The following C1orf53 variants were observed in gnomAD, a reference collection of about 807,000 sequenced individuals.
C1orf53 encodes chromosome 1 open reading frame 53, also known as uncharacterized protein C1orf53.
A neutral mutation model predicts 17.5 loss-of-function variants in C1orf53; 23 were observed. That is an observed-to-expected ratio of 1.31 (90% CI 0.94 to 1.86). C1orf53 has a LOEUF of 1.86. C1orf53 is among the 40% of genes most tolerant of loss of function. C1orf53 has a pLI of 0.00. For synonymous variants in C1orf53, 108 were observed against 81.9 expected, an observed-to-expected ratio of 1.32 and a Z score of -1.72; for missense variants, 255 against 193.2, an observed-to-expected ratio of 1.32 and a Z score of -1.89.
intron 1 of C1orf53, among the ~76,000 whole-genome samples, chr1:197,903,837 T>C (rs750000073): frequency 6.6e-6 from 1 of 152,210 alleles, no homozygotes; most frequent in Non-Finnish European, 1.5e-5. Context: ...GAATAAAGAC[T>C]CATTAGGAAG....
intron 1 of C1orf53, 48 bp downstream of exon 1, chr1:197,902,961 T>G: frequency 1.5e-6 from 2 of 1,329,932 alleles, no homozygotes; most frequent in Non-Finnish European, 1.9e-6. Context: ...CGCCCCGGGC[T>G]CGGCGCGCCT....
At chr1:197,904,176 C>T (rs1659484720) in intron 1 of C1orf53, among the ~76,000 whole-genome samples, 1 of 151,546 alleles carries the variant, frequency 6.6e-6, no homozygotes, top group African/African-American at 2.4e-5. Flanking sequence ...TATGGTCCTT[C>T]TTCCAGCCTC....
chr1:197,904,364 C>G (rs1659487892), intron 1 of C1orf53, among the ~76,000 whole-genome samples: 1 of 152,156 alleles, frequency 6.6e-6, no homozygotes, highest in South Asian at 2.1e-4. Flanking sequence ...CAGAGGTGCT[C>G]AATCAACATG....
Position 197,902,745 on chromosome 1 carries a change from G to A in C1orf53, c.96G>A (p.Gly32=). Residue 32 remains glycine, a synonymous_variant, in exon 1 of 3, where the codon GGG becomes GGA. Transcript: ENST00000367393. ...PPPAPLWVRA[G]FRQQLSLTLC... is the part of the protein sequence containing the mutation. ...CAGCACCTCTCTGGGTAAGAGCTGG[G>A]TTCCGACAGCAGCTCAGCTTAACCC... is the stretch of plus-strand genomic sequence containing the variant. The A allele has an allele frequency of 6.4e-7, 1 of 1,569,066 alleles. No individual in the cohort carries two copies. Among genetic ancestry groups the A allele is most frequent in the Non-Finnish European group, 8.6e-7 (1 of 1,165,764 alleles).
At chr1:197,904,065 G>A (rs1659483096) in intron 1 of C1orf53, among the ~76,000 whole-genome samples, 2 of 152,234 alleles carry the variant, frequency 1.3e-5, no homozygotes. Context: ...TTTCATCAGT[G>A]TCAGTATCAC....
Position 197,902,684 on chromosome 1 carries a change from C to A in C1orf53, c.35C>A (p.Ala12Asp). 5 of 1,502,970 alleles carry A rather than the reference C, an allele frequency of 3.3e-6. No individual in the cohort carries two copies. The highest frequency in any genetic ancestry group is 3.5e-6 in the Non-Finnish European group (4 of 1,133,344). The allele number at this position is 1,502,970 out of a possible 1,614,324, so 93.1% of individuals were successfully genotyped here. The change falls in exon 1 of 3, where the codon GCC (alanine) becomes GAC (aspartate). Residue 12 changes from alanine (A) to aspartate (D), a missense_variant. Transcript: ENST00000367393. Reference protein sequence around the residue: ...AARQIWARTGAALCRQPSAAP... With the variant: ...AARQIWARTGDALCRQPSAAP... ...AGGCAGATCTGGGCACGGACGGGTGCCGCGCTCTGCAGGCAACCTTCCGCC... is the reference window on the plus strand; with the variant it reads ...AGGCAGATCTGGGCACGGACGGGTGACGCGCTCTGCAGGCAACCTTCCGCC...
At chr1:197,905,977 G>C (rs545490771) in intron 2 of C1orf53, 80 bp downstream of exon 2, 5 of 1,111,780 alleles carry the variant, frequency 4.5e-6, no homozygotes, top group African/African-American at 1.5e-5. Flanking sequence ...TGAACAACAA[G>C]TCAAATAAAA....
At chr1:197,906,155 A>G (rs1659521034) in intron 2 of C1orf53, among the ~76,000 whole-genome samples, 1 of 152,216 alleles carries the variant, frequency 6.6e-6, no homozygotes. Flanking sequence ...GCTCTTTATT[A>G]CAAGGAAACT....
chr1:197,902,983 G>A, intron 1 of C1orf53, 70 bp downstream of exon 1: 1 of 1,300,468 alleles, frequency 7.7e-7, no homozygotes, highest in Non-Finnish European at 9.8e-7. Flanking sequence ...CGCATCCCGG[G>A]CCTCTCCGGA....
chr1:197,902,679 G>C lies in C1orf53; in HGVS notation c.30G>C (p.Thr10=). MAARQIWAR[T]GAALCRQPSA... is the part of the protein sequence containing the mutation. ...CGGCCAGGCAGATCTGGGCACGGAC[G>C]GGTGCCGCGCTCTGCAGGCAACCTT... The change falls in exon 1 of 3, where the codon ACG becomes ACC. Residue 10 remains threonine, a synonymous_variant. Coordinates refer to ENST00000367393, the MANE Select transcript of C1orf53 (RefSeq NM_001024594.3). 2 of 1,496,272 alleles carry C rather than the reference G, an allele frequency of 1.3e-6. No individual in the cohort carries two copies. The highest frequency in any genetic ancestry group is 2.9e-5 in the East Asian group (1 of 34,874). The allele number at this position is 1,496,272 out of a possible 1,614,324, so 92.7% of individuals were successfully genotyped here.
chr1:197,905,452 T>C (rs1659507582), intron 1 of C1orf53: 1 of 163,986 alleles, frequency 6.1e-6, no homozygotes, highest in East Asian at 1.7e-4. Flanking sequence ...CCTCTTAAGC[T>C]CTTAAAATCA....
rs1007060267 is a variant in C1orf53 at position 197,902,695 on chromosome 1, A to G, written c.46A>G (p.Arg16Gly). Reference protein sequence around the residue: ...IWARTGAALCRQPSAAPPPAP... With the variant: ...IWARTGAALCGQPSAAPPPAP... ...GGCACGGACGGGTGCCGCGCTCTGC[A>G]GGCAACCTTCCGCCGCCCCGCCGCC... The change falls in exon 1 of 3, where the codon AGG becomes GGG. Residue 16 changes from arginine to glycine, a missense_variant. Coordinates refer to ENST00000367393, the MANE Select transcript of C1orf53 (RefSeq NM_001024594.3). 4.0e-6 allele frequency: 6 copies of G among 1,514,874 alleles called. No homozygotes were observed. The highest frequency in any genetic ancestry group is 2.9e-5 in the African/African-American group (2 of 69,724). The allele number at this position is 1,514,874 out of a possible 1,614,324, so 93.8% of individuals were successfully genotyped here.
chr1:197,903,195 T>C (rs993563357), intron 1 of C1orf53, among the ~76,000 whole-genome samples: 2 of 152,268 alleles, frequency 1.3e-5, no homozygotes, highest in Middle Eastern at 3.4e-3. Context: ...TACCACTCTT[T>C]TGTGGTGTAT....
In C1orf53 at chr1:197,902,751, A is replaced by G. The variant is rs546743572; in HGVS notation, c.102A>G (p.Arg34=). ...PAPLWVRAGF[R]QQLSLTLCPA... ...CTCTCTGGGTAAGAGCTGGGTTCCG[A>G]CAGCAGCTCAGCTTAACCCTCTGCC... The change falls in exon 1 of 3, where the codon CGA becomes CGG. Residue 34 remains arginine, a synonymous_variant. Transcript: ENST00000367393. 2.7e-5 allele frequency: 43 copies of G among 1,572,994 alleles called. No homozygotes were observed. The African/African-American group carries it at 5.3e-4, about 19-fold the overall frequency.
chr1:197,903,030 T>A, intron 1 of C1orf53, 117 bp downstream of exon 1: 1 of 990,850 alleles, frequency 1.0e-6, no homozygotes, highest in Non-Finnish European at 1.3e-6. Flanking sequence ...GGTTGCTGGA[T>A]ACCGGTGCGG....
chr1:197,902,688 G>A lies in C1orf53; in HGVS notation c.39G>A (p.Ala13=). ...AGATCTGGGCACGGACGGGTGCCGC[G>A]CTCTGCAGGCAACCTTCCGCCGCCC... The part of the protein sequence containing the change: ...ARQIWARTGA[A]LCRQPSAAPP... Residue 13 remains alanine (A), a synonymous_variant, in exon 1 of 3, where the codon GCG becomes GCA. Coordinates refer to ENST00000367393, the MANE Select transcript of C1orf53 (RefSeq NM_001024594.3). 6.6e-7 allele frequency: 1 copy of A among 1,506,596 alleles called. No individual in the cohort carries two copies. The highest frequency in any genetic ancestry group is 1.2e-5 in the South Asian group (1 of 80,676). The allele number at this position is 1,506,596 out of a possible 1,614,324, so 93.3% of individuals were successfully genotyped here.
In C1orf53 at chr1:197,902,753, A is replaced by G. The variant is rs374026453; in HGVS notation, c.104A>G (p.Gln35Arg). ...APLWVRAGFR[Q>R]QLSLTLCPAN... The stretch of plus-strand genomic sequence containing the variant: ...CTCTGGGTAAGAGCTGGGTTCCGAC[A>G]GCAGCTCAGCTTAACCCTCTGCCCT... Residue 35 changes from glutamine to arginine, a missense_variant, in exon 1 of 3, where the codon CAG becomes CGG. Transcript: ENST00000367393. 12 of 1,573,770 alleles carry G rather than the reference A, an allele frequency of 7.6e-6. No individual in the cohort carries two copies. The highest frequency in any genetic ancestry group is 9.4e-6 in the Non-Finnish European group (11 of 1,167,838).
intron 1 of C1orf53, among the ~76,000 whole-genome samples, chr1:197,903,589 G>GA (rs578062132): frequency 1.3e-5 from 2 of 151,896 alleles, no homozygotes; most frequent in Non-Finnish European, 2.9e-5. Context: ...GAAACAGTGA[G>GA]AAAAAAAGAG....
rs1191684728 is a variant in C1orf53 at position 197,902,758 on chromosome 1, C to G, written c.109C>G (p.Leu37Val). ...LWVRAGFRQQ[L>V]SLTLCPANEG... ...GGTAAGAGCTGGGTTCCGACAGCAG[C>G]TCAGCTTAACCCTCTGCCCTGCTAA... The change falls in exon 1 of 3, where the codon CTC becomes GTC. Residue 37 changes from leucine (L) to valine (V), a missense_variant. Leu to Val is a conservative substitution (Grantham distance 32, BLOSUM62 1). Coordinates refer to ENST00000367393, the MANE Select transcript of C1orf53 (RefSeq NM_001024594.3). The G allele has an allele frequency of 1.9e-6, 3 of 1,574,968 alleles. No individual in the cohort carries two copies. In the African/African-American group the frequency reaches 4.2e-5, roughly 22 times the overall value.
Sources: gnomAD v4.1 joint callset for allele counts (sites outside exome capture counted in the v4.1 genomes callset) on GRCh38, gnomAD v4.1.1 for gene constraint, MANE v1.5 for transcripts, NCBI Gene and HGNC (gene_info 2026-07-23, HGNC 2026-07-21) for gene names.